Variants in INPP4B observed in about 807,000 individuals in gnomAD.
INPP4B encodes inositol polyphosphate-4-phosphatase type II B.
In INPP4B, 55 loss-of-function variants were observed where a neutral mutation model predicts 122.5. The ratio of observed to expected loss-of-function variants is 0.45; its 90% CI spans 0.36 to 0.56. The LOEUF is 0.56. INPP4B is among the 20% of genes least tolerant of loss of function. INPP4B has a pLI of 0.00. For synonymous variants in INPP4B, 403 were observed against 388.7 expected (o/e 1.04, Z -0.43); for missense variants, 1,000 against 1,097.7 (o/e 0.91, Z 1.26).
intron 1 of INPP4B, among the ~76,000 whole-genome samples, chr4:142,796,204 A>C (rs1208732582): frequency 6.6e-6 from 1 of 152,034 alleles, no homozygotes; most frequent in African/African-American, 2.4e-5. Context: ...ATAGGTTGTA[A>C]AATGAATGAA....
chr4:142,455,758 TACGTTTCCTC>T (rs1815277636), intron 3 of INPP4B, among the ~76,000 whole-genome samples: 2 of 152,068 alleles, frequency 1.3e-5, no homozygotes, highest in South Asian at 4.1e-4. Flanking sequence ...TGTACTAATT[TACGTTTCCTC>T]CAGCAGTGTA....
intron 2 of INPP4B, among the ~76,000 whole-genome samples, chr4:142,506,856 T>C (rs1418045161): frequency 6.6e-6 from 1 of 152,198 alleles, no homozygotes; most frequent in Non-Finnish European, 1.5e-5. Flanking sequence ...CTCTGTGATC[T>C]TTCTGAGATA....
intron 15 of INPP4B, among the ~76,000 whole-genome samples, chr4:142,184,418 G>C (rs997419184): frequency 2.0e-5 from 3 of 152,158 alleles, no homozygotes; most frequent in Admixed American, 6.5e-5. Context: ...TTTTCCACAA[G>C]TGTCTTTTTG....
At chr4:142,172,801 C>T (rs541818217) in intron 16 of INPP4B, among the ~76,000 whole-genome samples, 7 of 151,980 alleles carry the variant, frequency 4.6e-5, no homozygotes, top group East Asian at 1.9e-4. Context: ...TCTACAATTA[C>T]GAGAATTTTC....
intron 1 of INPP4B, among the ~76,000 whole-genome samples, chr4:142,824,804 A>T (rs1323583453): frequency 2.1e-5 from 2 of 93,810 alleles, no homozygotes; most frequent in Admixed American, 1.8e-4. Flanking sequence ...CTTTTTTGTT[A>T]AAAAAAAAAG....
chr4:142,185,739 C>T (rs1187792923), intron 15 of INPP4B, among the ~76,000 whole-genome samples: 1 of 151,472 alleles, frequency 6.6e-6, no homozygotes, highest in South Asian at 2.1e-4. Context: ...ATTAGCCGCG[C>T]GTGGTGGCAG....
At chr4:142,250,128 AT>A (rs1316815530) in intron 11 of INPP4B, among the ~76,000 whole-genome samples, 3 of 152,164 alleles carry the variant, frequency 2.0e-5, no homozygotes, top group African/African-American at 4.8e-5. Context: ...GTACTTATAT[AT>A]CTTTCTTATG....
At chr4:142,256,973 C>T (rs745782720) in intron 11 of INPP4B, among the ~76,000 whole-genome samples, 22 of 152,190 alleles carry the variant, frequency 1.4e-4, no homozygotes, top group Non-Finnish European at 2.6e-4. Context: ...ACTGACAAAC[C>T]GAATCCAGCA....
chr4:142,143,747 C>A (rs1219649370), intron 18 of INPP4B, among the ~76,000 whole-genome samples: 1 of 151,880 alleles, frequency 6.6e-6, no homozygotes, highest in Non-Finnish European at 1.5e-5. Flanking sequence ...CTTACAGAAT[C>A]AAAGATGCTT....
intron 2 of INPP4B, among the ~76,000 whole-genome samples, chr4:142,675,370 CA>C (rs35150942): frequency 6.6e-6 from 1 of 151,924 alleles, no homozygotes; most frequent in Non-Finnish European, 1.5e-5. Flanking sequence ...TCCTACCAAT[CA>C]AAAAAAGTCC....
At chr4:142,425,792 A>T (rs1482007568) in intron 5 of INPP4B, among the ~76,000 whole-genome samples, 2 of 152,024 alleles carry the variant, frequency 1.3e-5, no homozygotes, top group Admixed American at 1.3e-4. Context: ...GATTTTATAT[A>T]CAGGCTTTCT....
intron 2 of INPP4B, among the ~76,000 whole-genome samples, chr4:142,708,356 T>A (rs924995138): frequency 6.6e-6 from 1 of 152,100 alleles, no homozygotes; most frequent in Non-Finnish European, 1.5e-5. Flanking sequence ...TAGGTAAAGA[T>A]GGAATGTTAA....
chr4:142,062,999 C>T (rs916708123), intron 25 of INPP4B, among the ~76,000 whole-genome samples: 2 of 152,108 alleles, frequency 1.3e-5, no homozygotes, highest in Non-Finnish European at 2.9e-5. Context: ...AAATACTGAA[C>T]CTTGAATTTA....
chr4:142,470,755 A>G (rs886666323), intron 2 of INPP4B, among the ~76,000 whole-genome samples: 1 of 152,204 alleles, frequency 6.6e-6, no homozygotes, highest in Admixed American at 6.5e-5. Context: ...GGCTTCTCAA[A>G]ATATGTTTTC....
chr4:142,520,502 T>G (rs1825947290), intron 2 of INPP4B, among the ~76,000 whole-genome samples: 1 of 151,936 alleles, frequency 6.6e-6, no homozygotes, highest in African/African-American at 2.4e-5. Context: ...GAAATAAAAT[T>G]TCAAGTCAAT....
At chr4:142,579,029 A>G (rs1215279825) in intron 2 of INPP4B, among the ~76,000 whole-genome samples, 1 of 152,014 alleles carries the variant, frequency 6.6e-6, no homozygotes, top group Non-Finnish European at 1.5e-5. Flanking sequence ...AACCATAACC[A>G]CAATTTTGCT....
intron 2 of INPP4B, among the ~76,000 whole-genome samples, chr4:142,716,523 A>G (rs1425998028): frequency 6.6e-6 from 1 of 152,196 alleles, no homozygotes; most frequent in Non-Finnish European, 1.5e-5. Context: ...CCATAAGTCA[A>G]CATCCTGACA....
chr4:142,499,786 T>C (rs1423349104), intron 2 of INPP4B, among the ~76,000 whole-genome samples: 2 of 152,104 alleles, frequency 1.3e-5, no homozygotes, highest in African/African-American at 4.8e-5. Flanking sequence ...GTAGAAAATA[T>C]CAGACCTCCC....
rs113408746 is a variant in INPP4B, at chr4:142,550,589, TAC to T, written c.-190-87865_-190-87864del. Among the ~76,000 whole-genome samples the T allele has an allele frequency of 6.4e-3, 897 of 140,584 alleles. 27 individuals carry two copies. The highest frequency in any genetic ancestry group is 0.035 in the Admixed American group (470 of 13,548). 92.2% of individuals were successfully genotyped at this position (140,584 alleles called of 152,430 possible). A position where few individuals can be genotyped will look rare whatever the true frequency, so the allele number is the denominator to read the frequency against. ...CTTTCATCATTATATATGTAATATATACACACACACACACACATATATATATA... is the reference window on the plus strand; with the variant it reads ...CTTTCATCATTATATATGTAATATATACACACACACACACATATATATATA... On this transcript the variant is annotated intron_variant, in intron 2 of 25. Transcript: ENST00000262992.
Sources: allele counts gnomAD v4.1 joint callset (sites outside exome capture counted in the v4.1 genomes callset), GRCh38; gene constraint gnomAD v4.1.1; transcripts MANE v1.5; gene names NCBI Gene and HGNC (gene_info 2026-07-23, HGNC 2026-07-21).